GULP1: variants seen among roughly 807,000 people sequenced by gnomAD.
GULP1 encodes GULP PTB domain containing engulfment adaptor 1.
Under a neutral mutation model 40.9 loss-of-function variants are expected in GULP1, and 19 were observed. The observed-to-expected ratio is 0.46, with a 90% CI of 0.32 to 0.68. GULP1 has a LOEUF of 0.68. Among genes scored for constraint, GULP1 ranks in the 30% least tolerant of loss-of-function variants. The pLI is 0.03. For missense variants in GULP1, 312 were observed against 362.2 expected, an observed-to-expected ratio of 0.86 and a Z score of 1.12; for synonymous variants, 119 against 117.6, an observed-to-expected ratio of 1.01 and a Z score of -0.08.
chr2:188,507,845 A>G (rs1274154006), intron 4 of GULP1, among the ~76,000 whole-genome samples: 1 of 151,956 alleles, frequency 6.6e-6, no homozygotes, highest in Non-Finnish European at 1.5e-5. Flanking sequence ...CATTTCAAAT[A>G]CCAGTTCTGT....
chr2:188,375,470 T>C (rs1320436017), intron 1 of GULP1, among the ~76,000 whole-genome samples: 1 of 152,202 alleles, frequency 6.6e-6, no homozygotes, highest in Non-Finnish European at 1.5e-5. Context: ...TGGCCCAACT[T>C]TTCGTTAGGA....
chr2:188,531,460 CCT>C (rs1687517458), intron 6 of GULP1, among the ~76,000 whole-genome samples: 1 of 152,148 alleles, frequency 6.6e-6, no homozygotes, highest in African/African-American at 2.4e-5. Context: ...CAATGGCATT[CCT>C]TTAAACTTTT....
At chr2:188,346,499 C>CT (rs906195467) in intron 1 of GULP1, among the ~76,000 whole-genome samples, 3 of 150,692 alleles carry the variant, frequency 2.0e-5, no homozygotes, top group African/African-American at 7.3e-5. Flanking sequence ...TTCTTTTCTT[C>CT]TTTTTCTTTT....
intron 9 of GULP1, among the ~76,000 whole-genome samples, chr2:188,575,406 G>T (rs1699974177): frequency 6.6e-6 from 1 of 151,974 alleles, no homozygotes; most frequent in Non-Finnish European, 1.5e-5. Flanking sequence ...CATCCATGGG[G>T]GAAAGAAAGA....
intron 7 of GULP1, among the ~76,000 whole-genome samples, chr2:188,555,887 C>A (rs1225157456): frequency 1.2e-5 from 1 of 84,136 alleles, no homozygotes; most frequent in Non-Finnish European, 2.5e-5. Context: ...GATGAAACCC[C>A]ATCTCTACTG....
intron 4 of GULP1, among the ~76,000 whole-genome samples, chr2:188,496,865 G>T (rs2062947470): frequency 6.6e-6 from 1 of 151,854 alleles, no homozygotes. Context: ...GCAAGATCTG[G>T]TTGTTTAAAA....
chr2:188,410,136 A>G (rs1280971223), intron 2 of GULP1, among the ~76,000 whole-genome samples: 1 of 152,220 alleles, frequency 6.6e-6, no homozygotes, highest in Non-Finnish European at 1.5e-5. Flanking sequence ...AAAACTGGAC[A>G]GTTGCATGGA....
At chr2:188,539,331 T>C (rs1207917686) in intron 6 of GULP1, among the ~76,000 whole-genome samples, 2 of 152,122 alleles carry the variant, frequency 1.3e-5, no homozygotes, top group Non-Finnish European at 1.5e-5. Flanking sequence ...AGACCTCCTG[T>C]CAGTATTTGG....
chr2:188,427,567 G>A (rs1430473704), intron 2 of GULP1, among the ~76,000 whole-genome samples: 2 of 152,168 alleles, frequency 1.3e-5, no homozygotes, highest in East Asian at 1.9e-4. Flanking sequence ...GCTCCAAGGG[G>A]CCCAAGTACA....
rs528696384 is a variant in GULP1, at chr2:188,487,833, G to A, written c.90+4341G>A. Among the ~76,000 whole-genome samples the A allele has an allele frequency of 2.6e-5, 4 of 152,072 alleles. No homozygotes were observed. In the East Asian group the frequency reaches 7.7e-4, roughly 29 times the overall value. On this transcript the variant is annotated intron_variant, in intron 4 of 11. Coordinates refer to ENST00000409830, the MANE Select transcript of GULP1 (RefSeq NM_016315.4). ...ACGTGCACTGTTTGCCACTTCGTTT[G>A]TTTAATCAGAGAGAAGGCTTGCTGG... is the stretch of plus-strand genomic sequence containing the variant.
intron 2 of GULP1, among the ~76,000 whole-genome samples, chr2:188,403,619 G>T (rs1203983754): frequency 6.6e-6 from 1 of 152,158 alleles, no homozygotes; most frequent in Non-Finnish European, 1.5e-5. Context: ...AGACCAAAAA[G>T]TATGAGATAT....
At chr2:188,587,067 T>C (rs2153468679) in intron 10 of GULP1, among the ~76,000 whole-genome samples, 1 of 152,086 alleles carries the variant, frequency 6.6e-6, no homozygotes, top group South Asian at 2.1e-4. Flanking sequence ...CAATTAAGGA[T>C]ACATTTGAAT....
intron 2 of GULP1, among the ~76,000 whole-genome samples, chr2:188,473,889 A>G (rs965635917): frequency 1.3e-5 from 2 of 152,148 alleles, no homozygotes; most frequent in African/African-American, 4.8e-5. Flanking sequence ...GCTGAGTCTC[A>G]CTTGAAGCCA....
chr2:188,366,588 CTTTTTTTTTTTT>C (rs34745549), intron 1 of GULP1, among the ~76,000 whole-genome samples: 3 of 84,060 alleles, frequency 3.6e-5, no homozygotes, highest in East Asian at 3.8e-4. Context: ...CAGTTACTTT[CTTTTTTTTTTTT>C]TTTTTTTTTT....
At chr2:188,486,734 G>A (rs1005113945) in intron 4 of GULP1, among the ~76,000 whole-genome samples, 4 of 151,742 alleles carry the variant, frequency 2.6e-5, no homozygotes, top group South Asian at 2.1e-4. Flanking sequence ...TTCTATGTAG[G>A]GTTCATTAGT....
chr2:188,577,312 CTATT>C (rs1700356316), intron 9 of GULP1, among the ~76,000 whole-genome samples: 1 of 151,680 alleles, frequency 6.6e-6, no homozygotes, highest in South Asian at 2.1e-4. Context: ...AACAATGTAT[CTATT>C]TATTTTCCTC....
intron 2 of GULP1, among the ~76,000 whole-genome samples, chr2:188,468,800 A>G (rs2060342858): frequency 6.6e-6 from 1 of 152,186 alleles, no homozygotes; most frequent in Non-Finnish European, 1.5e-5. Context: ...GGTACGAGAG[A>G]CTTTATTGGA....
chr2:188,546,876 A>G (rs543668759), intron 7 of GULP1, among the ~76,000 whole-genome samples: 9 of 152,160 alleles, frequency 5.9e-5, no homozygotes, highest in African/African-American at 1.9e-4. Flanking sequence ...AGATTTCACT[A>G]CAGACTCTCT....
At chr2:188,582,334 T>C (rs1320704814) in intron 9 of GULP1, 6 of 470,734 alleles carry the variant, frequency 1.3e-5, no homozygotes, top group Admixed American at 2.3e-5. Context: ...CTGTCATTCC[T>C]TTACAGCTGC....
Sources: allele counts gnomAD v4.1 joint callset (sites outside exome capture counted in the v4.1 genomes callset), GRCh38; gene constraint gnomAD v4.1.1; transcripts MANE v1.5; gene names NCBI Gene and HGNC (gene_info 2026-07-23, HGNC 2026-07-21).